The following IL1RAPL2 variants were observed in gnomAD, a reference collection of about 807,000 sequenced individuals.
IL1RAPL2 encodes X-linked interleukin-1 receptor accessory protein-like 2.
Under a neutral mutation model 44.1 loss-of-function variants are expected in IL1RAPL2, and 3 were observed. The ratio of observed to expected loss-of-function variants is 0.07; its 90% CI spans 0.03 to 0.18. The LOEUF (loss-of-function observed/expected upper bound fraction) is 0.18, where lower values mean the gene tolerates loss of function less well. IL1RAPL2 is among the 10% of genes least tolerant of loss of function. The pLI, the probability that IL1RAPL2 is intolerant of heterozygous loss-of-function variation, is 1.00. For synonymous variants in IL1RAPL2, 181 were observed against 178.8 expected, an observed-to-expected ratio of 1.01 and a Z score of -0.10; for missense variants, 391 against 496.4, an observed-to-expected ratio of 0.79 and a Z score of 2.02.
At chrX:105,100,036 TGAGA>T (rs759076002) in intron 2 of IL1RAPL2, among the ~76,000 whole-genome samples, 4 of 111,565 alleles carry the variant, frequency 3.6e-5, no homozygotes, top group East Asian at 2.8e-4. Flanking sequence ...TAAGATATTT[TGAGA>T]GAGAGAGAAA....
intron 2 of IL1RAPL2, among the ~76,000 whole-genome samples, chrX:105,114,394 T>G (rs1190847352): frequency 8.9e-6 from 1 of 112,377 alleles, no homozygotes; most frequent in Non-Finnish European, 1.9e-5. Context: ...AGGCAATGAG[T>G]CTAATAAGAA....
chrX:104,756,136 C>T (rs752313273), intron 2 of IL1RAPL2, among the ~76,000 whole-genome samples: 13 of 110,890 alleles, frequency 1.2e-4, no homozygotes, highest in Non-Finnish European at 2.1e-4. Context: ...CATCCACTGG[C>T]ATTTGGCATC....
Position 104,838,844 on chromosome X carries a change from TTTC to T in IL1RAPL2, c.82+179852_82+179854del, listed in dbSNP as rs1365249915. On this transcript the variant is annotated intron_variant, in intron 2 of 10. Coordinates refer to ENST00000372582, the MANE Select transcript of IL1RAPL2 (RefSeq NM_017416.2). The stretch of plus-strand genomic sequence containing the variant: ...TCTTCTTTCTTTCTTTCTTTCTTTC[TTTC>T]TTTTTTTTTTTTTTTTTTTTGAGGC... Among the ~76,000 whole-genome samples, 59 of 32,714 alleles carry T rather than the reference TTTC, an allele frequency of 1.8e-3. 1 individual carries two copies. Among genetic ancestry groups the T allele is most frequent in the Non-Finnish European group, 2.4e-3 (40 of 16,350 alleles). 28.4% of individuals were successfully genotyped at this position (32,714 alleles called of 115,157 possible).
chrX:105,537,650 C>T (rs1213310877), intron 6 of IL1RAPL2, among the ~76,000 whole-genome samples: 3 of 111,655 alleles, frequency 2.7e-5, no homozygotes, highest in Non-Finnish European at 5.6e-5. Flanking sequence ...GGACCTTTAG[C>T]AAATTTCTCA....
rs115164157 is a variant in IL1RAPL2 at position 105,760,466 on chromosome X, T to G, written c.1363+5119T>G. Reference sequence around the variant, plus strand: ...TTCTTTGCTACTCTCCACTTTATGTTTCTTTCAATCTTCTCTAAATGTGTC... The same window carrying G: ...TTCTTTGCTACTCTCCACTTTATGTGTCTTTCAATCTTCTCTAAATGTGTC... On this transcript the variant is annotated intron_variant, in intron 10 of 10. Coordinates refer to ENST00000372582, the MANE Select transcript of IL1RAPL2 (RefSeq NM_017416.2). 7.0e-3 allele frequency among the ~76,000 whole-genome samples: 780 copies of G among 112,137 alleles called. 9 individuals carry two copies. The highest frequency in any genetic ancestry group is 0.024 in the African/African-American group (749 of 30,854).
intron 1 of IL1RAPL2, among the ~76,000 whole-genome samples, chrX:104,593,160 A>G (rs1271827142): frequency 8.9e-6 from 1 of 111,813 alleles, no homozygotes; most frequent in Non-Finnish European, 1.9e-5. Flanking sequence ...GGAAATTATA[A>G]TGGTGACTAT....
intron 2 of IL1RAPL2, among the ~76,000 whole-genome samples, chrX:105,057,701 T>C (rs1161388216): frequency 1.8e-5 from 2 of 111,599 alleles, no homozygotes; most frequent in African/African-American, 3.3e-5. Flanking sequence ...ATCTAGCACA[T>C]AGTAGATGAT....
intron 6 of IL1RAPL2, among the ~76,000 whole-genome samples, chrX:105,711,234 A>T (rs1182902741): frequency 9.1e-6 from 1 of 110,014 alleles, no homozygotes; most frequent in East Asian, 2.9e-4. Context: ...ATAGAAAAAG[A>T]TTTATTTGGC....
intron 2 of IL1RAPL2, among the ~76,000 whole-genome samples, chrX:105,090,560 T>C (rs1013674801): frequency 6.2e-5 from 7 of 112,144 alleles, no homozygotes; most frequent in Non-Finnish European, 1.1e-4. Context: ...TGGGACACTT[T>C]CCTTAAAAGT....
intron 2 of IL1RAPL2, among the ~76,000 whole-genome samples, chrX:104,952,189 G>A (rs1925601949): frequency 8.9e-6 from 1 of 111,921 alleles, no homozygotes; most frequent in African/African-American, 3.2e-5. Flanking sequence ...TGTATTTTGA[G>A]GAAATTCATT....
At chrX:105,437,365 A>G (rs1397842084) in intron 5 of IL1RAPL2, among the ~76,000 whole-genome samples, 1 of 110,971 alleles carries the variant, frequency 9.0e-6, no homozygotes, top group Non-Finnish European at 1.9e-5. Context: ...CATCTATCAT[A>G]TAAATTCATG....
intron 5 of IL1RAPL2, among the ~76,000 whole-genome samples, 158 bp downstream of exon 5, chrX:105,267,699 A>G (rs1429357346): frequency 8.9e-6 from 1 of 112,051 alleles, no homozygotes; most frequent in East Asian, 2.8e-4. Context: ...TGTACTGAGT[A>G]AAAGCAATAT....
At chrX:104,747,815 G>A (rs1427432966) in intron 2 of IL1RAPL2, among the ~76,000 whole-genome samples, 1 of 111,291 alleles carries the variant, frequency 9.0e-6, no homozygotes, top group African/African-American at 3.3e-5. Context: ...GCTTTTGGAT[G>A]TGAACGATGT....
At chrX:105,725,181 A>G (rs1348865659) in intron 7 of IL1RAPL2, among the ~76,000 whole-genome samples, 2 of 111,769 alleles carry the variant, frequency 1.8e-5, no homozygotes, top group African/African-American at 6.5e-5. Context: ...ACAGAGAGTC[A>G]TTTTCAATTA....
chrX:104,918,738 A>G (rs1259486037), intron 2 of IL1RAPL2, among the ~76,000 whole-genome samples: 1 of 112,150 alleles, frequency 8.9e-6, no homozygotes, highest in Non-Finnish European at 1.9e-5. Context: ...AAATGGAGTA[A>G]AATTAACGGA....
chrX:104,921,163 A>G (rs971915959), intron 2 of IL1RAPL2, among the ~76,000 whole-genome samples: 4 of 111,789 alleles, frequency 3.6e-5, no homozygotes, highest in Admixed American at 9.4e-5. Context: ...ACACAGACAC[A>G]TTGCTTGAAC....
intron 2 of IL1RAPL2, among the ~76,000 whole-genome samples, chrX:104,944,355 C>A (rs1925286307): frequency 8.9e-6 from 1 of 111,795 alleles, no homozygotes; most frequent in Admixed American, 9.5e-5. Flanking sequence ...AATTATCACT[C>A]ATATTTCACA....
At chrX:104,584,598 T>C (rs887706367) in intron 1 of IL1RAPL2, among the ~76,000 whole-genome samples, 3 of 111,184 alleles carry the variant, frequency 2.7e-5, no homozygotes, top group African/African-American at 9.8e-5. Context: ...CAGTGGTTCC[T>C]GACCCAAATG....
At chrX:105,666,911 G>A (rs2037775377) in intron 6 of IL1RAPL2, among the ~76,000 whole-genome samples, 1 of 111,868 alleles carries the variant, frequency 8.9e-6, no homozygotes, top group Non-Finnish European at 1.9e-5. Context: ...TAGGCTCTCT[G>A]TAGGGGGAAG....
Sources: allele counts gnomAD v4.1 joint callset (sites outside exome capture counted in the v4.1 genomes callset), GRCh38; gene constraint gnomAD v4.1.1; transcripts MANE v1.5; gene names NCBI Gene and HGNC (gene_info 2026-07-23, HGNC 2026-07-21).